The following LCT variants were observed in gnomAD, a reference collection of about 807,000 sequenced individuals.
LCT encodes the protein lactase/phlorizin hydrolase.
Under a neutral mutation model 173.0 loss-of-function variants are expected in LCT, and 90 were observed. That is an observed-to-expected ratio of 0.52 (90% CI 0.44 to 0.62). LCT has a LOEUF of 0.62. Ranked by LOEUF, LCT falls within the 20% of genes least tolerant of loss-of-function variation. The pLI is 0.00. For synonymous variants in LCT, 853 were observed against 957.6 expected (o/e 0.89, Z 2.02); for missense variants, 1,864 against 2,431.4 (o/e 0.77, Z 4.91).
In LCT at chr2:135,809,130, C is replaced by T. The variant is rs774242783; in HGVS notation, c.3217G>A (p.Gly1073Ser). ...GGGGGAAATTCCCCTGAGCCATAAC[C>T]TAGCCATGCCAGGTACATGGGCTCA... ...FNEPMYLAWL[G>S]YGSGEFPPGV... is the part of the protein sequence containing the mutation. Residue 1073 changes from glycine (G) to serine (S), a missense_variant, in exon 8 of 17, where the codon GGT (glycine) becomes AGT (serine). By Grantham distance (56) the Gly-to-Ser change is moderately conservative (BLOSUM62 0). Coordinates refer to ENST00000264162, the MANE Select transcript of LCT (RefSeq NM_002299.4). The surrounding 1 kb of genome is among the most constrained non-coding windows in gnomAD (Gnocchi z 5.5). The T allele has an allele frequency of 4.3e-6, 7 of 1,614,210 alleles. No individual in the cohort carries two copies. The highest frequency in any genetic ancestry group is 5.9e-6 in the Non-Finnish European group (7 of 1,180,028).
At chr2:135,815,630 C>T (rs1182150852) in intron 6 of LCT, among the ~76,000 whole-genome samples, 3 of 152,038 alleles carry the variant, frequency 2.0e-5, no homozygotes, top group African/African-American at 7.2e-5. Flanking sequence ...ATAACATGTC[C>T]AGGGCATGGC....
rs2077838642 is a variant in LCT, at chr2:135,822,111, A to C, written c.908-13T>G. The C allele has an allele frequency of 1.4e-6, 2 of 1,471,640 alleles. No individual in the cohort carries two copies. Among genetic ancestry groups the C allele is most frequent in the African/African-American group, 1.4e-5 (1 of 72,150 alleles). 91.2% of individuals were successfully genotyped at this position (1,471,640 alleles called of 1,614,324 possible). On this transcript the variant is annotated splice_polypyrimidine_tract_variant and intron_variant, in intron 4 of 16. Coordinates refer to ENST00000264162, the MANE Select transcript of LCT (RefSeq NM_002299.4). Reference sequence around the variant, plus strand: ...TCTTTATTTATGGCTGTAAGAGAAGAAATTGAATTAACTCTATGTAAATGC... The same window carrying C: ...TCTTTATTTATGGCTGTAAGAGAAGCAATTGAATTAACTCTATGTAAATGC...
At chr2:135,799,360 C>T (rs1425858039) in intron 12 of LCT, among the ~76,000 whole-genome samples, 1 of 152,126 alleles carries the variant, frequency 6.6e-6, no homozygotes, top group Non-Finnish European at 1.5e-5. Context: ...ACCTTCTATC[C>T]CTTTCTAGGA....
chr2:135,789,690 T>C lies in LCT; in HGVS notation c.5444A>G (p.Tyr1815Cys). The part of the protein sequence containing the change: ...SERFGLHFVN[Y>C]SDPSLPRIPK... ...GATCCTTGGCAGAGAAGGGTCACTG[T>C]AGTTCACAAAATGCAGACCAAATCT... Residue 1815 changes from tyrosine (Y) to cysteine (C), a missense_variant, in exon 16 of 17, where the codon TAC becomes TGC. Coordinates refer to ENST00000264162, the MANE Select transcript of LCT (RefSeq NM_002299.4). The C allele has an allele frequency of 6.2e-7, 1 of 1,614,114 alleles. No individual in the cohort carries two copies.
intron 2 of LCT, among the ~76,000 whole-genome samples, chr2:135,831,406 C>T (rs1039396126): frequency 6.6e-6 from 1 of 152,106 alleles, no homozygotes; most frequent in Non-Finnish European, 1.5e-5. Flanking sequence ...GAGGCCCACA[C>T]GTTCATGCAC....
In LCT at chr2:135,788,589, TGAG is replaced by T. The variant is rs752736048; in HGVS notation, c.5564-48_5564-46del. 40 of 1,246,470 alleles carry T rather than the reference TGAG, an allele frequency of 3.2e-5. No individual in the cohort carries two copies. In the Middle Eastern group the frequency reaches 1.0e-3, roughly 32 times the overall value. 77.2% of individuals were successfully genotyped at this position (1,246,470 alleles called of 1,614,324 possible). ...GGTGGTTGGTGCTCTGGCGCTGATT[TGAG>T]TTCTCAGATCTCTGAGACCCCAGCA... is the stretch of plus-strand genomic sequence containing the variant. On this transcript the variant is annotated intron_variant, in intron 16 of 16. Coordinates refer to ENST00000264162, the MANE Select transcript of LCT (RefSeq NM_002299.4).
In LCT at chr2:135,812,422, C is replaced by A. The variant is rs771049174; in HGVS notation, c.2242G>T (p.Val748Phe). 30 of 1,614,088 alleles carry A rather than the reference C, an allele frequency of 1.9e-5. No individual in the cohort carries two copies. The highest frequency in any genetic ancestry group is 2.5e-5 in the Non-Finnish European group (30 of 1,180,044). The change falls in exon 7 of 17, where the codon GTT becomes TTT. Residue 748 changes from valine (V) to phenylalanine (F), a missense_variant. Physicochemically the swap from Val to Phe is conservative, Grantham distance 50. This residue lies in a region of LCT where 755 missense variants were observed against 926.3 expected (regional missense o/e 0.82). Coordinates refer to ENST00000264162, the MANE Select transcript of LCT (RefSeq NM_002299.4). ...CCATTCCCGGCAAGGTATATTGGAA[C>A]TTTTCCTCTTGTGTATTCCAGGGAT... ...FVSLEYTRGK[V>F]PIYLAGNGMP... is the part of the protein sequence containing the mutation.
Position 135,817,972 on chromosome 2 carries a change from T to C in LCT, c.1076A>G (p.Tyr359Cys). 1 of 1,613,720 alleles carries C rather than the reference T, an allele frequency of 6.2e-7. No individual in the cohort carries two copies. Among genetic ancestry groups the C allele is most frequent in the East Asian group, 2.2e-5 (1 of 44,878 alleles). ...ETTDSSPASAYQRIWEAFANQ... is the reference protein window; with the variant it reads ...ETTDSSPASACQRIWEAFANQ... ...GGCAAATGCTTCCCAGATTCTCTGA[T>C]AGGCAGAGGCAGGAGAGGAGTCCGT... Residue 359 changes from tyrosine to cysteine, a missense_variant, in exon 6 of 17, where the codon TAT becomes TGT. Tyr to Cys is a radical substitution (Grantham distance 194). Transcript: ENST00000264162.
intron 14 of LCT, 70 bp downstream of exon 14, chr2:135,794,571 G>A: frequency 1.3e-6 from 2 of 1,547,628 alleles, no homozygotes; most frequent in South Asian, 2.2e-5. Flanking sequence ...GCAGGCCTCA[G>A]AGAGCACAGC....
chr2:135,821,497 C>G (rs1163820724), intron 5 of LCT, among the ~76,000 whole-genome samples: 1 of 152,192 alleles, frequency 6.6e-6, no homozygotes, highest in Non-Finnish European at 1.5e-5. Context: ...CCAGCAAGAT[C>G]TTAAACTAGA....
intron 4 of LCT, among the ~76,000 whole-genome samples, chr2:135,823,546 C>G (rs1461323175): frequency 3.3e-5 from 5 of 152,086 alleles, no homozygotes; most frequent in African/African-American, 4.8e-5. Context: ...GAGAGACGGG[C>G]AGAGGAAAGC....
At chr2:135,835,187 T>G (rs1319679695) in intron 1 of LCT, among the ~76,000 whole-genome samples, 1 of 152,170 alleles carries the variant, frequency 6.6e-6, no homozygotes, top group Admixed American at 6.5e-5. Flanking sequence ...TTAAACTTTA[T>G]GCTCCATTTA....
At chr2:135,835,970 A>AAG (rs145381504) in intron 1 of LCT, among the ~76,000 whole-genome samples, 7,106 of 120,502 alleles carry the variant, frequency 0.059, 351 homozygotes, top group Middle Eastern at 0.17. Flanking sequence ...TCAAAAATAC[A>AAG]TGTGTGTATA....
At chr2:135,823,089 T>C (rs931279363) in intron 4 of LCT, 109 of 152,376 alleles carry the variant, frequency 7.2e-4, no homozygotes, top group African/African-American at 2.2e-3. Context: ...TTTTTCTCTA[T>C]AAATTACGCA....
At chr2:135,806,249 T>A (rs922072836) in intron 9 of LCT, among the ~76,000 whole-genome samples, 3 of 152,160 alleles carry the variant, frequency 2.0e-5, no homozygotes, top group Non-Finnish European at 4.4e-5. Flanking sequence ...AGCACTGGGA[T>A]TGCAGGCATG....
Position 135,812,966 on chromosome 2 carries a change from A to T in LCT, c.1708-10T>A, listed in dbSNP as rs1436800929. 6.2e-7 allele frequency: 1 copy of T among 1,613,238 alleles called. No individual in the cohort carries two copies. Among genetic ancestry groups the T allele is most frequent in the African/African-American group, 1.3e-5 (1 of 75,056 alleles). On this transcript the variant is annotated splice_polypyrimidine_tract_variant and intron_variant, in intron 6 of 16. Coordinates refer to ENST00000264162, the MANE Select transcript of LCT (RefSeq NM_002299.4). ...GGACCAAGTGAGCCACCTTGTGAAAAAGTAAGAAGGAAATACAGTGATTAG... is the reference window on the plus strand; with the variant it reads ...GGACCAAGTGAGCCACCTTGTGAAATAGTAAGAAGGAAATACAGTGATTAG...
chr2:135,830,948 A>C (rs2077932317), intron 2 of LCT, among the ~76,000 whole-genome samples: 1 of 152,254 alleles, frequency 6.6e-6, no homozygotes, highest in East Asian at 1.9e-4. Flanking sequence ...TCACACGAGG[A>C]GAAGACAGAA....
chr2:135,788,611 C>A, intron 16 of LCT, 67 bp from the exon 17 acceptor site: 1 of 1,027,478 alleles, frequency 9.7e-7, no homozygotes. Flanking sequence ...TCTCTGAGAC[C>A]CCAGCAGAGG....
At position 135,809,983 on chromosome 2, in the gene LCT, T is replaced by G. The variant is rs758663789; in HGVS notation, c.2364A>C (p.Glu788Asp). 5.6e-6 allele frequency: 9 copies of G among 1,602,312 alleles called. No individual in the cohort carries two copies. In the East Asian group the frequency reaches 2.0e-4, roughly 36 times the overall value. The change falls in exon 8 of 17, where the codon GAA (glutamate) becomes GAC (aspartate). Residue 788 changes from glutamate to aspartate, a missense_variant. By Grantham distance (45) the Glu-to-Asp change is conservative (BLOSUM62 2). Transcript: ENST00000264162. The surrounding 1 kb of genome is among the most constrained non-coding windows in gnomAD (Gnocchi z 5.5). ...TGTAGGAACGAACATCCACAGAGTC[T>G]TCCTTGATAGCTGTGAAGAAAAATA... ...YINEVLKAIK[E>D]DSVDVRSYIA...
Sources: gnomAD v4.1 joint callset for allele counts (sites outside exome capture counted in the v4.1 genomes callset) on GRCh38, gnomAD v4.1.1 for gene constraint, gnomAD v4.1.1 regional missense constraint, Gnocchi (gnomAD v3.1) non-coding constraint, MANE v1.5 for transcripts, NCBI Gene and HGNC (gene_info 2026-07-23, HGNC 2026-07-21) for gene names.